TEX14: variants seen among roughly 807,000 people sequenced by gnomAD.
The protein encoded by TEX14 is testis expressed 14, intercellular bridge forming factor, also known as inactive serine/threonine-protein kinase TEX14.
A neutral mutation model predicts 178.6 loss-of-function variants in TEX14; 168 were observed. The observed-to-expected ratio is 0.94, with a 90% CI of 0.83 to 1.07. The LOEUF is 1.07. Among genes scored for constraint, TEX14 ranks in the 50% least tolerant of loss-of-function variants. The pLI is 0.00. For synonymous variants in TEX14, 626 were observed against 634.1 expected (o/e 0.99, Z 0.19); for missense variants, 1,730 against 1,753.6 (o/e 0.99, Z 0.24).
chr17:58,669,659 G>A (rs2047271302), intron 1 of TEX14, among the ~76,000 whole-genome samples: 1 of 146,898 alleles, frequency 6.8e-6, no homozygotes, highest in Non-Finnish European at 1.5e-5. Flanking sequence ...ACTTGAACCT[G>A]GGAGGCAGAG....
intron 1 of TEX14, among the ~76,000 whole-genome samples, chr17:58,677,251 C>G (rs1397255080): frequency 1.3e-5 from 2 of 152,080 alleles, no homozygotes; most frequent in Non-Finnish European, 2.9e-5. Flanking sequence ...CACCACTGTA[C>G]TCCAGTCTGG....
At chr17:58,631,677 C>T (rs1187249779) in intron 2 of TEX14, 3 of 151,236 alleles carry the variant, frequency 2.0e-5, no homozygotes, top group Non-Finnish European at 4.4e-5. Flanking sequence ...AGAACGGTCA[C>T]CAACAGCAAA....
At chr17:58,588,414 T>C (rs1209831632) in intron 15 of TEX14, among the ~76,000 whole-genome samples, 1 of 152,130 alleles carries the variant, frequency 6.6e-6, no homozygotes, top group Non-Finnish European at 1.5e-5. Context: ...ATGCCTCAGC[T>C]TCCCAAGTAG....
Position 58,613,658 on chromosome 17 carries a change from C to G in TEX14, c.882-114G>C, listed in dbSNP as rs1218136069. 9 of 1,119,028 alleles carry G rather than the reference C, an allele frequency of 8.0e-6. 1 individual carries two copies. Among genetic ancestry groups the G allele is most frequent in the Non-Finnish European group, 1.0e-5 (8 of 793,276 alleles). The allele number at this position is 1,119,028 out of a possible 1,614,324, so 69.3% of individuals were successfully genotyped here. A position where few individuals can be genotyped will look rare whatever the true frequency, so the allele number is the denominator to read the frequency against. ...AAATACCATTTGTATACGATGTTTT[C>G]TTTTCTTTTCTTTTTTTTTTGACAC... On this transcript the variant is annotated intron_variant, in intron 8 of 31. Transcript: ENST00000349033.
intron 10 of TEX14, among the ~76,000 whole-genome samples, chr17:58,605,560 C>T (rs75899145): frequency 0.025 from 3,834 of 152,226 alleles, 163 homozygotes; most frequent in African/African-American, 0.087. Context: ...CTATTCCACC[C>T]GGGCCCTCTC....
At chr17:58,582,886 C>T (rs1454247645) in intron 19 of TEX14, among the ~76,000 whole-genome samples, 1 of 151,706 alleles carries the variant, frequency 6.6e-6, no homozygotes, top group Non-Finnish European at 1.5e-5. Flanking sequence ...TCTTTAGCAT[C>T]TCTGCTCCAC....
At chr17:58,573,402 C>T (rs1486114536) in intron 22 of TEX14, 94 bp from the exon 23 acceptor site, 3 of 1,301,214 alleles carry the variant, frequency 2.3e-6, no homozygotes, top group Admixed American at 2.1e-5. Context: ...ATAATCTTAA[C>T]AAAATTTGTA....
chr17:58,561,566 G>A lies in TEX14; in HGVS notation c.4111C>T (p.Pro1371Ser). ...DEDLERWLQP[P>S]EESVELQDLP... ...TCTTGTAGCTCCACGCTCTCCTCAG[G>A]TGGCTGCAGCCATCTTTCCAGGTCC... Residue 1371 changes from proline (P) to serine (S), a missense_variant, in exon 29 of 32, where the codon CCT becomes TCT. Pro to Ser is a moderately conservative substitution (Grantham distance 74, BLOSUM62 -1). Around this residue, in one of 2 missense-constraint regions of TEX14, gnomAD observed 941 missense variants for 1,072.4 expected, o/e 0.88. Coordinates refer to ENST00000349033, the MANE Select transcript of TEX14 (RefSeq NM_031272.5). The A allele has an allele frequency of 3.1e-6, 5 of 1,613,980 alleles. No individual in the cohort carries two copies. Among genetic ancestry groups the A allele is most frequent in the Non-Finnish European group, 4.2e-6 (5 of 1,179,862 alleles).
rs760075139 is a variant in TEX14 at position 58,570,426 on chromosome 17, G to T, written c.3776C>A (p.Ser1259Ter). Residue 1259 changes from serine to a stop codon, truncating the protein, a stop_gained, in exon 25 of 32, where the codon TCA (serine) becomes TAA (stop). Transcript: ENST00000349033. LOFTEE classifies it high-confidence loss of function. ...GSPSLVKACD[S>*]SPPHATQRRS... ...TCTCTGGGTGGCATGGGGTGGTGAT[G>T]AGTCACATGCCTTAACAAGGCTGGG... 1.3e-6 allele frequency: 2 copies of T among 1,521,956 alleles called. No homozygotes were observed. Among genetic ancestry groups the T allele is most frequent in the Non-Finnish European group, 1.7e-6 (2 of 1,147,656 alleles). 94.3% of individuals were successfully genotyped at this position (1,521,956 alleles called of 1,614,324 possible).
At chr17:58,563,811 G>GAC (rs113071230) in intron 28 of TEX14, among the ~76,000 whole-genome samples, 2,031 of 138,090 alleles carry the variant, frequency 0.015, 40 homozygotes, top group African/African-American at 0.042. Context: ...CACACACACA[G>GAC]ACACACACAC....
chr17:58,585,727 T>C, intron 18 of TEX14, 74 bp downstream of exon 18: 1 of 1,435,814 alleles, frequency 7.0e-7, no homozygotes. Context: ...AGTGCTGGAA[T>C]TACAGGCTGA....
At chr17:58,598,530 G>A (rs998368973) in intron 14 of TEX14, among the ~76,000 whole-genome samples, 2 of 152,100 alleles carry the variant, frequency 1.3e-5, no homozygotes, top group African/African-American at 4.8e-5. Context: ...TGATACATAC[G>A]AATTTACAGA....
At chr17:58,682,365 C>G (rs2079156325) in intron 1 of TEX14, among the ~76,000 whole-genome samples, 1 of 151,704 alleles carries the variant, frequency 6.6e-6, no homozygotes, top group African/African-American at 2.4e-5. Flanking sequence ...TCAAGCGGTT[C>G]TCCTGCCTCA....
Position 58,569,111 on chromosome 17 carries a change from C to G in TEX14, c.3886+81G>C. 1 of 1,241,492 alleles carries G rather than the reference C, an allele frequency of 8.1e-7. No homozygotes were observed. The highest frequency in any genetic ancestry group is 1.2e-6 in the Non-Finnish European group (1 of 862,164). The allele number at this position is 1,241,492 out of a possible 1,614,324, so 76.9% of individuals were successfully genotyped here. On this transcript the variant is annotated intron_variant, in intron 26 of 31. Coordinates refer to ENST00000349033, the MANE Select transcript of TEX14 (RefSeq NM_031272.5). The surrounding 1 kb of genome is among the most constrained non-coding windows in gnomAD (Gnocchi z 4.1). ...ACAGCCTTTTATACTAGTGTTCACA[C>G]TTGAGACAAAGACACCATACTGTGG...
At chr17:58,646,365 G>A (rs896390012) in intron 2 of TEX14, among the ~76,000 whole-genome samples, 1 of 152,068 alleles carries the variant, frequency 6.6e-6, no homozygotes, top group African/African-American at 2.4e-5. Context: ...TCCAGCCCAG[G>A]CCTCCCTTGC....
rs1012069346 is a variant in TEX14 at position 58,611,332 on chromosome 17, T to A, written c.1013A>T (p.Gln338Leu). 6.2e-7 allele frequency: 1 copy of A among 1,611,544 alleles called. No homozygotes were observed. Among genetic ancestry groups the A allele is most frequent in the South Asian group, 1.1e-5 (1 of 90,898 alleles). ...LFSVLHERRS[Q>L]FPVLHMEVIV... ...CACCTCCATGTGCAGCACTGGGAAC[T>A]GGGACCGCTGCAAGCAAGAGATGAA... is the stretch of plus-strand genomic sequence containing the variant. The change falls in exon 10 of 32, where the codon CAG becomes CTG. Residue 338 changes from glutamine (Q) to leucine (L), a missense_variant. Transcript: ENST00000349033.
At chr17:58,560,685 C>CT (rs1420541398) in intron 29 of TEX14, among the ~76,000 whole-genome samples, 7 of 152,218 alleles carry the variant, frequency 4.6e-5, no homozygotes. Context: ...CTCTCAGCTC[C>CT]TTCAGCTGTT....
chr17:58,617,285 T>G (rs8076021), intron 6 of TEX14, among the ~76,000 whole-genome samples: 22,320 of 152,148 alleles, frequency 0.15, 2,542 homozygotes, highest in East Asian at 0.31. Flanking sequence ...AAACTAAAAA[T>G]TAATTAATGA....
intron 1 of TEX14, among the ~76,000 whole-genome samples, chr17:58,678,808 G>A (rs1343625966): frequency 9.4e-6 from 1 of 106,886 alleles, no homozygotes; most frequent in Non-Finnish European, 1.9e-5. Flanking sequence ...ATGTACCCTA[G>A]AACTTAAAGT....
Sources: allele counts gnomAD v4.1 joint callset (sites outside exome capture counted in the v4.1 genomes callset), GRCh38; gene constraint gnomAD v4.1.1; regional missense constraint gnomAD v4.1.1; non-coding constraint Gnocchi (gnomAD v3.1); transcripts MANE v1.5; gene names NCBI Gene and HGNC (gene_info 2026-07-23, HGNC 2026-07-21).